The following ADAMTS17 variants were observed in gnomAD, a reference collection of about 807,000 sequenced individuals.
ADAMTS17 encodes A disintegrin and metalloproteinase with thrombospondin motifs 17.
Under a neutral mutation model 141.5 loss-of-function variants are expected in ADAMTS17, and 113 were observed. That is an observed-to-expected ratio of 0.80 (90% confidence interval 0.69 to 0.93). The LOEUF (loss-of-function observed/expected upper bound fraction) is 0.93, where lower values mean the gene tolerates loss of function less well. Ranked by LOEUF, ADAMTS17 falls within the 40% of genes least tolerant of loss-of-function variation. ADAMTS17 has a pLI of 0.00. For missense variants in ADAMTS17, 1,659 were observed against 1,517.9 expected, an observed-to-expected ratio of 1.09 and a Z score of -1.54; for synonymous variants, 768 against 630.6, an observed-to-expected ratio of 1.22 and a Z score of -3.27.
chr15:100,308,869 G>A (rs1234534464), intron 3 of ADAMTS17, among the ~76,000 whole-genome samples: 1 of 152,292 alleles, frequency 6.6e-6, no homozygotes, highest in South Asian at 2.1e-4. Context: ...GGTCAGATGA[G>A]GTGAGAAAGC....
At chr15:100,290,706 C>A (rs967682555) in intron 3 of ADAMTS17, among the ~76,000 whole-genome samples, 5 of 152,220 alleles carry the variant, frequency 3.3e-5, no homozygotes, top group Admixed American at 6.5e-5. Context: ...AAGCTGCACA[C>A]CTACAACTAC....
intron 18 of ADAMTS17, among the ~76,000 whole-genome samples, chr15:100,004,617 CTTT>C (rs10591279): frequency 0.021 from 2,384 of 116,078 alleles, 41 homozygotes; most frequent in African/African-American, 0.071. Context: ...TACTGTAATT[CTTT>C]TTTTTTTTTT....
intron 15 of ADAMTS17, among the ~76,000 whole-genome samples, chr15:100,083,522 T>A (rs78130094): frequency 6.6e-6 from 1 of 152,058 alleles, no homozygotes; most frequent in Admixed American, 6.6e-5. Context: ...AACAACCACA[T>A]GTTCAATCAT....
chr15:100,194,431 C>G (rs936440096), intron 8 of ADAMTS17, among the ~76,000 whole-genome samples: 16 of 152,190 alleles, frequency 1.1e-4, no homozygotes, highest in African/African-American at 3.9e-4. Flanking sequence ...TCTTTTATAC[C>G]GGAGCTTCCA....
chr15:100,235,301 G>A (rs1009359382), intron 7 of ADAMTS17, among the ~76,000 whole-genome samples: 1 of 152,252 alleles, frequency 6.6e-6, no homozygotes, highest in African/African-American at 2.4e-5. Context: ...CCTGTGCAGT[G>A]CTGGCCCCCT....
At chr15:100,339,867 T>G (rs2046313162) in intron 2 of ADAMTS17, among the ~76,000 whole-genome samples, 1 of 152,088 alleles carries the variant, frequency 6.6e-6, no homozygotes, top group Non-Finnish European at 1.5e-5. Flanking sequence ...CCCGCAGGAC[T>G]GGGAAGAAAG....
At chr15:100,216,164 C>A (rs942054998) in intron 7 of ADAMTS17, among the ~76,000 whole-genome samples, 2 of 152,192 alleles carry the variant, frequency 1.3e-5, no homozygotes, top group Non-Finnish European at 2.9e-5. Flanking sequence ...GAGATGAACA[C>A]CTACCTCGTG....
rs72755235 is a variant in ADAMTS17, at chr15:100,152,874, T to C, written c.1323-112A>G. 38,164 of 1,299,584 alleles carry C rather than the reference T, an allele frequency of 0.029. 1,148 individuals carry two copies. The highest frequency in any genetic ancestry group is 0.13 in the African/African-American group (8,296 of 62,980). 80.5% of individuals were successfully genotyped at this position (1,299,584 alleles called of 1,614,324 possible). ...TCACTGAGAAGAGGGCACCTCCACGTTCCTTATGGAAAAAGGACGCAGGCA... is the reference window on the plus strand; with the variant it reads ...TCACTGAGAAGAGGGCACCTCCACGCTCCTTATGGAAAAAGGACGCAGGCA... On this transcript the variant is annotated intron_variant, in intron 9 of 21. Coordinates refer to ENST00000268070, the MANE Select transcript of ADAMTS17 (RefSeq NM_139057.4).
At chr15:100,228,061 C>T (rs2042365225) in intron 7 of ADAMTS17, among the ~76,000 whole-genome samples, 1 of 152,190 alleles carries the variant, frequency 6.6e-6, no homozygotes, top group African/African-American at 2.4e-5. Context: ...CAGATACAGC[C>T]CTGCCTTATT....
chr15:100,041,200 C>T (rs899908994), intron 18 of ADAMTS17, among the ~76,000 whole-genome samples: 4 of 152,196 alleles, frequency 2.6e-5, no homozygotes, highest in African/African-American at 4.8e-5. Flanking sequence ...AAACCAAATA[C>T]GCTTCCTTGC....
intron 15 of ADAMTS17, among the ~76,000 whole-genome samples, chr15:100,073,914 T>TAA (rs200271302): frequency 9.9e-5 from 15 of 151,730 alleles, no homozygotes; most frequent in Middle Eastern, 3.4e-3. Flanking sequence ...TAAAGTATAA[T>TAA]TAAAAAAAGG....
chr15:100,248,044 G>A (rs1376010759), intron 7 of ADAMTS17, among the ~76,000 whole-genome samples: 2 of 152,096 alleles, frequency 1.3e-5, no homozygotes, highest in African/African-American at 4.8e-5. Flanking sequence ...TTCAGGGAAA[G>A]CCATGGGACC....
At chr15:100,258,551 G>A (rs117918935) in intron 6 of ADAMTS17, among the ~76,000 whole-genome samples, 1,866 of 152,266 alleles carry the variant, frequency 0.012, 19 homozygotes, top group South Asian at 0.022. Context: ...ATGGCAGCAG[G>A]CAGGGGAAGA....
chr15:100,284,255 T>C (rs535954341), intron 3 of ADAMTS17, among the ~76,000 whole-genome samples: 1 of 152,252 alleles, frequency 6.6e-6, no homozygotes, highest in South Asian at 2.1e-4. Context: ...ACACTCTGAG[T>C]TAACACATAC....
chr15:100,001,710 C>T (rs1032294711), intron 18 of ADAMTS17, among the ~76,000 whole-genome samples: 4 of 151,958 alleles, frequency 2.6e-5, no homozygotes, highest in Non-Finnish European at 5.9e-5. Flanking sequence ...GTGGCTCACA[C>T]CTATAATCCC....
intron 12 of ADAMTS17, among the ~76,000 whole-genome samples, chr15:100,122,344 G>A (rs1397642770): frequency 3.9e-5 from 6 of 152,112 alleles, no homozygotes; most frequent in African/African-American, 7.2e-5. Flanking sequence ...TATTTTGAAC[G>A]ACATGAGAAA....
chr15:100,168,794 G>C (rs906375465), intron 8 of ADAMTS17: 2 of 152,216 alleles, frequency 1.3e-5, no homozygotes, highest in African/African-American at 2.4e-5. Flanking sequence ...CTGCGGGTTG[G>C]GGGATGTGAT....
intron 3 of ADAMTS17, among the ~76,000 whole-genome samples, chr15:100,287,976 C>T (rs548610925): frequency 3.0e-4 from 46 of 152,244 alleles, no homozygotes; most frequent in Non-Finnish European, 5.9e-4. Flanking sequence ...AACCAGCTAG[C>T]AACATGATGA....
At chr15:100,174,579 T>A (rs2040271315) in intron 8 of ADAMTS17, among the ~76,000 whole-genome samples, 1 of 152,218 alleles carries the variant, frequency 6.6e-6, no homozygotes, top group South Asian at 2.1e-4. Flanking sequence ...AAGCAATACT[T>A]TTTTACCTTA....
Sources: gnomAD v4.1 joint callset for allele counts (sites outside exome capture counted in the v4.1 genomes callset) on GRCh38, gnomAD v4.1.1 for gene constraint, MANE v1.5 for transcripts, NCBI Gene and HGNC (gene_info 2026-07-23, HGNC 2026-07-21) for gene names.